AGMO: variants seen among roughly 807,000 people sequenced by gnomAD.
AGMO encodes alkylglycerol monooxygenase.
AGMO carries 75 observed loss-of-function variants against 60.2 expected under a neutral mutation model. The ratio of observed to expected loss-of-function variants is 1.25; its 90% CI spans 1.03 to 1.51. The LOEUF (loss-of-function observed/expected upper bound fraction) is 1.51. Among genes scored for constraint, AGMO ranks in the 40% most tolerant of loss-of-function variants. AGMO has a pLI of 0.00. For missense variants in AGMO, 763 were observed against 525.5 expected (o/e 1.45, Z -4.42); for synonymous variants, 261 against 177.1 (o/e 1.47, Z -3.76).
intron 12 of AGMO, among the ~76,000 whole-genome samples, chr7:15,359,820 CA>C (rs1192987966): frequency 1.3e-5 from 2 of 152,008 alleles, no homozygotes; most frequent in Non-Finnish European, 2.9e-5. Flanking sequence ...TCATAAAATA[CA>C]AAAAATCCTG....
At chr7:15,121,304 T>G in the AGMO span, among the ~76,000 whole-genome samples, 1 of 152,174 alleles carries the variant, frequency 6.6e-6, no homozygotes, top group African/African-American at 2.4e-5. Context: ...GTCTTTATAG[T>G]AGAATGATTC....
At chr7:15,532,288 T>A (rs1784388816) in intron 3 of AGMO, among the ~76,000 whole-genome samples, 1 of 152,140 alleles carries the variant, frequency 6.6e-6, no homozygotes, top group African/African-American at 2.4e-5. Context: ...TTAATGAAAA[T>A]TTTTAATTTT....
At chr7:15,353,118 T>C (rs1218683405) in intron 12 of AGMO, among the ~76,000 whole-genome samples, 3 of 152,132 alleles carry the variant, frequency 2.0e-5, no homozygotes, top group Non-Finnish European at 4.4e-5. Flanking sequence ...GGGTTCTTTT[T>C]TAAATGTCCA....
chr7:15,240,667 CA>C (rs1195040657), intron 12 of AGMO, among the ~76,000 whole-genome samples: 4 of 152,228 alleles, frequency 2.6e-5, no homozygotes, highest in African/African-American at 9.6e-5. Flanking sequence ...TCATATTCCA[CA>C]TTTCTAATAA....
intron 12 of AGMO, among the ~76,000 whole-genome samples, chr7:15,252,005 G>C (rs1219424330): frequency 6.6e-6 from 1 of 152,076 alleles, no homozygotes; most frequent in Non-Finnish European, 1.5e-5. Context: ...ACTAATCAAG[G>C]GTCATTATTA....
At chr7:15,140,635 C>A in the AGMO span, among the ~76,000 whole-genome samples, 1 of 151,946 alleles carries the variant, frequency 6.6e-6, no homozygotes, top group Non-Finnish European at 1.5e-5. Flanking sequence ...TCTAGTTCAT[C>A]GGTTCTCTCT....
chr7:15,452,663 A>C (rs1476778732), intron 3 of AGMO, among the ~76,000 whole-genome samples: 1 of 152,196 alleles, frequency 6.6e-6, no homozygotes, highest in African/African-American at 2.4e-5. Context: ...GCTGCTTTGG[A>C]AAACAGTTTC....
At chr7:15,169,271 G>A in the AGMO span, among the ~76,000 whole-genome samples, 53 of 152,238 alleles carry the variant, frequency 3.5e-4, 2 homozygotes, top group Middle Eastern at 3.4e-3. Context: ...CTCTGCCGTC[G>A]TGCAATATGA....
intron 12 of AGMO, among the ~76,000 whole-genome samples, chr7:15,326,038 T>G (rs1326535816): frequency 3.3e-5 from 5 of 152,098 alleles, no homozygotes; most frequent in African/African-American, 4.8e-5. Flanking sequence ...AGAGGAAATA[T>G]TCTCATTAGA....
intron 12 of AGMO, among the ~76,000 whole-genome samples, chr7:15,211,304 G>A (rs754155828): frequency 3.3e-5 from 5 of 151,888 alleles, no homozygotes; most frequent in African/African-American, 4.8e-5. Context: ...AATTAAAAGT[G>A]AAAACAAAGT....
the AGMO span, among the ~76,000 whole-genome samples, chr7:15,121,665 A>T: frequency 6.6e-6 from 1 of 152,134 alleles, no homozygotes; most frequent in African/African-American, 2.4e-5. Flanking sequence ...GCATCATGCT[A>T]CCTGACTTCA....
chr7:15,370,740 G>C (rs898302974), intron 10 of AGMO, among the ~76,000 whole-genome samples: 2 of 151,934 alleles, frequency 1.3e-5, no homozygotes, highest in Non-Finnish European at 2.9e-5. Context: ...GTGGCTATTT[G>C]TTTTTTTCTT....
At chr7:15,381,957 T>C (rs1294607430) in intron 10 of AGMO, among the ~76,000 whole-genome samples, 1 of 151,948 alleles carries the variant, frequency 6.6e-6, no homozygotes, top group Non-Finnish European at 1.5e-5. Context: ...CACTTGTAAG[T>C]GGGAGCGCTA....
intron 3 of AGMO, among the ~76,000 whole-genome samples, chr7:15,531,028 C>T (rs62438960): frequency 0.4 from 5,372 of 13,348 alleles, 1,947 homozygotes; most frequent in East Asian, 0.81. Context: ...CTATATATTC[C>T]ATATATATTC....
the AGMO span, among the ~76,000 whole-genome samples, chr7:15,135,913 T>C: frequency 6.6e-6 from 1 of 151,568 alleles, no homozygotes; most frequent in African/African-American, 2.4e-5. Flanking sequence ...TTAAATTTTG[T>C]ATTTTTTAGT....
chr7:15,510,341 T>C (rs901775011), intron 3 of AGMO, among the ~76,000 whole-genome samples: 1 of 151,818 alleles, frequency 6.6e-6, no homozygotes, highest in Non-Finnish European at 1.5e-5. Context: ...AAGTTTTTTT[T>C]GTTTTGTTTT....
chr7:15,324,824 ACTGAT>A (rs952635440), intron 12 of AGMO, among the ~76,000 whole-genome samples: 1 of 152,012 alleles, frequency 6.6e-6, no homozygotes, highest in Non-Finnish European at 1.5e-5. Context: ...TAATGTCACC[ACTGAT>A]CTGACAGGAG....
chr7:15,462,626 C>G (rs1252781300), intron 3 of AGMO, among the ~76,000 whole-genome samples: 5 of 152,162 alleles, frequency 3.3e-5, no homozygotes, highest in Admixed American at 2.0e-4. Flanking sequence ...CTAAATCTAT[C>G]TACATTTCTG....
intron 12 of AGMO, among the ~76,000 whole-genome samples, chr7:15,240,764 A>G (rs1450094128): frequency 6.6e-6 from 1 of 152,186 alleles, no homozygotes; most frequent in African/African-American, 2.4e-5. Context: ...ATAAATACCA[A>G]CAATTCCTGA....
Sources: allele counts gnomAD v4.1 joint callset (sites outside exome capture counted in the v4.1 genomes callset), GRCh38; gene constraint gnomAD v4.1.1; transcripts MANE v1.5; gene names NCBI Gene and HGNC (gene_info 2026-07-23, HGNC 2026-07-21).